The following GPLD1 variants were observed in gnomAD, a reference collection of about 807,000 sequenced individuals.
GPLD1 encodes the protein glycosylphosphatidylinositol specific phospholipase D1.
In GPLD1, 84 loss-of-function variants were observed where a neutral mutation model predicts 112.6. The observed-to-expected ratio is 0.75, with a 90% CI of 0.63 to 0.89. The LOEUF is 0.89. GPLD1 is among the 40% of genes least tolerant of loss of function. The pLI is 0.00. For missense variants in GPLD1, 1,044 were observed against 1,051.5 expected, an observed-to-expected ratio of 0.99 and a Z score of 0.10; for synonymous variants, 386 against 403.8, an observed-to-expected ratio of 0.96 and a Z score of 0.53.
intron 15 of GPLD1, 123 bp from the exon 16 acceptor site, chr6:24,448,331 G>A (rs1323944733): frequency 1.2e-5 from 5 of 422,494 alleles, no homozygotes; most frequent in African/African-American, 8.7e-5. Flanking sequence ...TATAATCCCA[G>A]TGCTTTGGGA....
chr6:24,487,710 C>T (rs1440290769), intron 1 of GPLD1, among the ~76,000 whole-genome samples: 2 of 152,214 alleles, frequency 1.3e-5, no homozygotes, highest in Admixed American at 6.5e-5. Flanking sequence ...AAGTGAATTG[C>T]TCAGAATCAC....
intron 11 of GPLD1, among the ~76,000 whole-genome samples, chr6:24,461,914 A>T (rs1238173170): frequency 2.6e-5 from 4 of 152,182 alleles, no homozygotes; most frequent in Non-Finnish European, 5.9e-5. Context: ...ACATATTTGT[A>T]ATATTAATAA....
chr6:24,488,072 G>A (rs1443237414), intron 1 of GPLD1, among the ~76,000 whole-genome samples: 2 of 152,022 alleles, frequency 1.3e-5, no homozygotes, highest in Admixed American at 6.6e-5. Context: ...ACTTCTGGAG[G>A]TGGTACAACT....
intron 2 of GPLD1, among the ~76,000 whole-genome samples, chr6:24,483,689 G>T (rs1390710491): frequency 6.6e-6 from 1 of 151,860 alleles, no homozygotes; most frequent in Non-Finnish European, 1.5e-5. Flanking sequence ...AGGAGTTAAA[G>T]ATATGGACAT....
At position 24,428,754 on chromosome 6, in the gene GPLD1, G is replaced by A. The variant is rs139672042; in HGVS notation, c.*278C>T. ...AGGCAATAAGTTGGGAAAGAAGAAA[G>A]GTTTAGATGCAAAGGGAGCGAGGAA... is the stretch of plus-strand genomic sequence containing the variant. On this transcript the variant is annotated 3_prime_UTR_variant, in exon 25 of 25. Transcript: ENST00000230036. The A allele has an allele frequency of 1.6e-4, 48 of 306,890 alleles. No homozygotes were observed. In the East Asian group the frequency reaches 2.9e-3, roughly 18 times the overall value. The allele number at this position is 306,890 out of a possible 1,614,324, so 19.0% of individuals were successfully genotyped here.
At chr6:24,487,554 G>T (rs1307046250) in intron 1 of GPLD1, among the ~76,000 whole-genome samples, 2 of 152,154 alleles carry the variant, frequency 1.3e-5, no homozygotes, top group Admixed American at 6.5e-5. Context: ...GATTAAAAAT[G>T]GAGTATTTCC....
chr6:24,453,340 G>A (rs1763154245), intron 14 of GPLD1, among the ~76,000 whole-genome samples: 1 of 152,144 alleles, frequency 6.6e-6, no homozygotes, highest in African/African-American at 2.4e-5. Flanking sequence ...CCTTTTCTGT[G>A]AATCTAAAAT....
In GPLD1 at chr6:24,448,069, C is replaced by A. The variant is rs1422463352; in HGVS notation, c.1522-36G>T. 3.1e-6 allele frequency: 5 copies of A among 1,612,980 alleles called. No individual in the cohort carries two copies. The African/African-American group carries it at 4.0e-5, about 13-fold the overall frequency. On this transcript the variant is annotated intron_variant, in intron 16 of 24. Transcript: ENST00000230036. ...AACCAGGAAAGCACATTTTACCCAG[C>A]CCTGGTGGCAGTTAGGATACAGCGA...
At position 24,454,113 on chromosome 6, in the gene GPLD1, T is replaced by C. The variant is rs752704250; in HGVS notation, c.1237A>G (p.Ile413Val). ...PGYSRPGHIH[I>V]GRVYLIYGND... ...CCGTAGATGAGGTACACGCGCCCGA[T>C]GTGGATGTGGCCGGGGCGGCTGTAG... The change falls in exon 14 of 25, where the codon ATC becomes GTC. Residue 413 changes from isoleucine to valine, a missense_variant. Transcript: ENST00000230036. 6 of 1,614,098 alleles carry C rather than the reference T, an allele frequency of 3.7e-6. No homozygotes were observed. The highest frequency in any genetic ancestry group is 5.1e-6 in the Non-Finnish European group (6 of 1,179,968).
Position 24,449,811 on chromosome 6 carries a change from C to G in GPLD1, c.1424G>C (p.Gly475Ala), listed in dbSNP as rs1561837553. ...PDLAVGAPSV[G>A]SEQLTYKGAV... ...TACTTTGTAGGTGAGCTGCTCGGAG[C>G]CCACCGAGGGAGCTCCCACGGCCAG... The change falls in exon 15 of 25, where the codon GGC (glycine) becomes GCC (alanine). Residue 475 changes from glycine to alanine, a missense_variant. Coordinates refer to ENST00000230036, the MANE Select transcript of GPLD1 (RefSeq NM_001503.4). 1 of 1,612,308 alleles carries G rather than the reference C, an allele frequency of 6.2e-7. No homozygotes were observed. Among genetic ancestry groups the G allele is most frequent in the Admixed American group, 1.7e-5 (1 of 59,982 alleles).
intron 22 of GPLD1, among the ~76,000 whole-genome samples, 186 bp downstream of exon 22, chr6:24,436,390 G>C (rs535094485): frequency 8.5e-5 from 13 of 152,194 alleles, no homozygotes; most frequent in African/African-American, 3.1e-4. Flanking sequence ...TTAGCTCTGG[G>C]CACAAATGTT....
intron 10 of GPLD1, among the ~76,000 whole-genome samples, chr6:24,464,790 C>T (rs1173472880): frequency 2.0e-5 from 3 of 152,202 alleles, no homozygotes; most frequent in African/African-American, 7.2e-5. Context: ...TCCCGCTCTG[C>T]CCTTTCCCCG....
intron 24 of GPLD1, among the ~76,000 whole-genome samples, chr6:24,432,413 C>T (rs1762433763): frequency 6.6e-6 from 1 of 151,988 alleles, no homozygotes; most frequent in Non-Finnish European, 1.5e-5. Context: ...GCCTTGACAA[C>T]GTGGCAAAAC....
In GPLD1 at chr6:24,462,781, G is replaced by T; in HGVS notation, c.836C>A (p.Pro279His). The change falls in exon 11 of 25, where the codon CCT (proline) becomes CAT (histidine). Residue 279 changes from proline to histidine, a missense_variant. Physicochemically the swap from Pro to His is moderately conservative, Grantham distance 77. Transcript: ENST00000230036. ...ACATGCAATGAACAGAGGGTTCTCA[G>T]GCAGGTTGCAGTCACTGAGGAAACA... ...LENGTSDCNLPENPLFIACGG... is the reference protein window; with the variant it reads ...LENGTSDCNLHENPLFIACGG... 1 of 1,612,886 alleles carries T rather than the reference G, an allele frequency of 6.2e-7. No homozygotes were observed.
Position 24,477,968 on chromosome 6 carries a change from T to C in GPLD1, c.233-1690A>G, listed in dbSNP as rs1764078183. Among the ~76,000 whole-genome samples the C allele has an allele frequency of 2.0e-5, 3 of 152,132 alleles. 1 individual carries two copies. Among genetic ancestry groups the C allele is most frequent in the African/African-American group, 7.2e-5 (3 of 41,424 alleles). The stretch of plus-strand genomic sequence containing the variant: ...TTCCCTGTAACTAGTCATATACCAG[T>C]CCCAATCTTTTCATCACACAAGACT... On this transcript the variant is annotated intron_variant, in intron 3 of 24. Coordinates refer to ENST00000230036, the MANE Select transcript of GPLD1 (RefSeq NM_001503.4).
At chr6:24,464,793 T>C (rs1293814480) in intron 10 of GPLD1, among the ~76,000 whole-genome samples, 1 of 152,200 alleles carries the variant, frequency 6.6e-6, no homozygotes, top group African/African-American at 2.4e-5. Context: ...CGCTCTGCCC[T>C]TTCCCCGATT....
At chr6:24,489,386 C>G in intron 1 of GPLD1, 29 bp downstream of exon 1, 1 of 1,454,478 alleles carries the variant, frequency 6.9e-7, no homozygotes, top group African/African-American at 1.4e-5. Flanking sequence ...ATTGTCCTCT[C>G]AACAACATAA....
chr6:24,486,128 G>A lies in GPLD1; in HGVS notation c.100C>T (p.His34Tyr). 1.3e-6 allele frequency: 2 copies of A among 1,559,014 alleles called. No individual in the cohort carries two copies. The highest frequency in any genetic ancestry group is 2.3e-5 in the South Asian group (2 of 88,574). ...CGLSTHVEIG[H>Y]RALEFLQLHN... ...AGCTGAAGAAACTCCAGAGCTCTGT[G>A]TCCTGAGAGAAATAAATACATAAAT... The change falls in exon 2 of 25, where the codon CAC (histidine) becomes TAC (tyrosine). Residue 34 changes from histidine (H) to tyrosine (Y), a missense_variant and splice_region_variant. Transcript: ENST00000230036.
Position 24,466,583 on chromosome 6 carries a change from G to A in GPLD1, c.821+97C>T, listed in dbSNP as rs1046250207. 114 of 944,892 alleles carry A rather than the reference G, an allele frequency of 1.2e-4. No homozygotes were observed. In the South Asian group the frequency reaches 1.4e-3, roughly 12 times the overall value. 58.5% of individuals were successfully genotyped at this position (944,892 alleles called of 1,614,324 possible). ...GCACTTCATGAGATTGTTTTGTTTT[G>A]TTTTTATGTGATCAGTTGAAAAACC... On this transcript the variant is annotated intron_variant, in intron 10 of 24. Coordinates refer to ENST00000230036, the MANE Select transcript of GPLD1 (RefSeq NM_001503.4).
Sources: allele counts gnomAD v4.1 joint callset (sites outside exome capture counted in the v4.1 genomes callset), GRCh38; gene constraint gnomAD v4.1.1; transcripts MANE v1.5; gene names NCBI Gene and HGNC (gene_info 2026-07-23, HGNC 2026-07-21).